The following SLC38A6 variants were observed in gnomAD, a reference collection of about 807,000 sequenced individuals.
SLC38A6 encodes the protein solute carrier family 38 member 6.
A neutral mutation model predicts 65.0 loss-of-function variants in SLC38A6; 73 were observed. The ratio of observed to expected loss-of-function variants is 1.12; its 90% confidence interval spans 0.93 to 1.37. The LOEUF is 1.37. SLC38A6 is among the 40% of genes most tolerant of loss of function. SLC38A6 has a pLI of 0.00. For synonymous variants in SLC38A6, 183 were observed against 178.8 expected (o/e 1.02, Z -0.19); for missense variants, 561 against 531.1 (o/e 1.06, Z -0.55).
At chr14:60,994,478 G>C (rs2038129537) in intron 3 of SLC38A6, among the ~76,000 whole-genome samples, 1 of 152,136 alleles carries the variant, frequency 6.6e-6, no homozygotes, top group African/African-American at 2.4e-5. Flanking sequence ...CCGGGAGTTG[G>C]AGGTTGCGGT....
intron 3 of SLC38A6, among the ~76,000 whole-genome samples, chr14:60,990,134 G>A (rs1364711910): frequency 3.4e-4 from 51 of 151,830 alleles, no homozygotes; most frequent in South Asian, 2.1e-4. Context: ...GGGTTCAAGC[G>A]ATTCTCCTGC....
At chr14:61,063,587 T>C (rs1443554894) in intron 15 of SLC38A6, among the ~76,000 whole-genome samples, 3 of 152,204 alleles carry the variant, frequency 2.0e-5, no homozygotes, top group Admixed American at 6.5e-5. Flanking sequence ...AAGTAGAGAA[T>C]TGCATGCAAA....
chr14:60,981,444 A>C, intron 1 of SLC38A6, 62 bp downstream of exon 1: 1 of 1,548,262 alleles, frequency 6.5e-7, no homozygotes, highest in South Asian at 1.2e-5. Flanking sequence ...AGTGCCTGCC[A>C]AATAAGACCC....
intron 8 of SLC38A6, among the ~76,000 whole-genome samples, chr14:61,040,581 C>T (rs570285765): frequency 3.1e-4 from 47 of 152,190 alleles, no homozygotes; most frequent in South Asian, 2.1e-4. Flanking sequence ...CCTCATGATC[C>T]GCCCGCCTGG....
chr14:61,055,118 C>T (rs10129272), downstream of SLC38A6, among the ~76,000 whole-genome samples: 87,906 of 98,090 alleles, frequency 0.9, 39,672 homozygotes, highest in Non-Finnish European at 0.98. Context: ...TTTTTTTTTT[C>T]TTTTTTTTTT....
intron 5 of SLC38A6, among the ~76,000 whole-genome samples, chr14:61,021,617 G>A (rs921406301): frequency 6.6e-6 from 1 of 152,130 alleles, no homozygotes; most frequent in African/African-American, 2.4e-5. Flanking sequence ...TCTTAATTTT[G>A]TTGGTTTGCT....
Position 61,045,407 on chromosome 14 carries a change from T to C in SLC38A6, c.806T>C (p.Ile269Thr), listed in dbSNP as rs1566701619. Residue 269 changes from isoleucine to threonine, a missense_variant, in exon 11 of 16, where the codon ATA (isoleucine) becomes ACA (threonine). Transcript: ENST00000267488. ...CTCTGCCATACCTCAATATTGCCCA[T>C]ATACTGTGAACTTCAAAGGTACTGT... is the stretch of plus-strand genomic sequence containing the variant. Reference protein sequence around the residue: ...SFLCHTSILPIYCELQSPSKK... With the variant: ...SFLCHTSILPTYCELQSPSKK... 6.2e-7 allele frequency: 1 copy of C among 1,612,590 alleles called. No individual in the cohort carries two copies. The highest frequency in any genetic ancestry group is 8.5e-7 in the Non-Finnish European group (1 of 1,178,812).
At chr14:61,037,815 T>A (rs2041508445) in intron 8 of SLC38A6, 132 bp downstream of exon 8, 2 of 564,202 alleles carry the variant, frequency 3.5e-6, no homozygotes, top group Non-Finnish European at 6.1e-6. Context: ...TTAAAAGCAC[T>A]TTTGTTCCAT....
intron 16 of SLC38A6, among the ~76,000 whole-genome samples, chr14:61,082,145 T>A (rs1260795445): frequency 6.6e-6 from 1 of 152,128 alleles, no homozygotes; most frequent in African/African-American, 2.4e-5. Flanking sequence ...AATGGATGGA[T>A]GAATATTAGC....
chr14:61,079,490 C>G (rs1247807865), intron 16 of SLC38A6, among the ~76,000 whole-genome samples: 1 of 152,058 alleles, frequency 6.6e-6, no homozygotes, highest in Non-Finnish European at 1.5e-5. Flanking sequence ...TCTTTCCCCT[C>G]CAAAGCGTTT....
Position 61,072,015 on chromosome 14 carries a change from C to T in SLC38A6, c.1291-6795C>T, listed in dbSNP as rs1024830502. Among the ~76,000 whole-genome samples, 8 of 152,004 alleles carry T rather than the reference C, an allele frequency of 5.3e-5. No individual in the cohort carries two copies. The East Asian group carries it at 5.8e-4, about 11-fold the overall frequency. ...TGTGATTGTGTGTGATATTCTTAGG[C>T]GAGATGCTTAGTCTATTTTGTGTTG... On this transcript the variant is annotated intron_variant, in intron 15 of 16. Coordinates refer to the SLC38A6 transcript ENST00000354886.
intron 1 of SLC38A6, chr14:60,982,077 A>G (rs1372149441): frequency 1.3e-5 from 6 of 447,364 alleles, no homozygotes; most frequent in East Asian, 7.0e-5. Flanking sequence ...CATTAGATAT[A>G]TAAGTAGAGA....
At chr14:61,004,064 G>C (rs1770146424) in intron 3 of SLC38A6, among the ~76,000 whole-genome samples, 1 of 152,126 alleles carries the variant, frequency 6.6e-6, no homozygotes, top group Non-Finnish European at 1.5e-5. Context: ...ATTTCAAACT[G>C]TCTTCATTAA....
At chr14:60,990,028 CCTT>C (rs2037741868) in intron 3 of SLC38A6, among the ~76,000 whole-genome samples, 1 of 147,788 alleles carries the variant, frequency 6.8e-6, no homozygotes, top group South Asian at 2.2e-4. Context: ...TTTTCTTTTC[CCTT>C]CTTTTCTTTT....
chr14:61,010,309 T>G (rs111567515), intron 3 of SLC38A6, among the ~76,000 whole-genome samples: 2 of 152,172 alleles, frequency 1.3e-5, no homozygotes, highest in Non-Finnish European at 2.9e-5. Flanking sequence ...TTGCAAAAAT[T>G]TTCTCCCATT....
intron 3 of SLC38A6, among the ~76,000 whole-genome samples, chr14:61,008,992 A>G (rs918851714): frequency 6.6e-6 from 1 of 152,198 alleles, no homozygotes; most frequent in Non-Finnish European, 1.5e-5. Flanking sequence ...CAGCATGGGT[A>G]GTTGTTAGAC....
At chr14:60,995,169 T>C (rs1007429289) in intron 3 of SLC38A6, among the ~76,000 whole-genome samples, 5 of 152,236 alleles carry the variant, frequency 3.3e-5, no homozygotes, top group Non-Finnish European at 7.3e-5. Flanking sequence ...TGTAGAGATA[T>C]CTATGCTCCC....
At position 60,981,314 on chromosome 14, in the gene SLC38A6, G is replaced by T. The variant is rs1435703837; in HGVS notation, c.37G>T (p.Gly13Cys). ...ASWGSFNAER[G>C]WYVSVQQPEE... ...CTGGGGGAGCTTCAACGCTGAGCGG[G>T]GCTGGTATGTCTCTGTCCAGCAGCC... The change falls in exon 1 of 16, where the codon GGC becomes TGC. Residue 13 changes from glycine to cysteine, a missense_variant. Gly to Cys is a radical substitution (Grantham distance 159, BLOSUM62 -3). Transcript: ENST00000267488. 3.1e-6 allele frequency: 5 copies of T among 1,610,642 alleles called. No homozygotes were observed. The highest frequency in any genetic ancestry group is 4.2e-6 in the Non-Finnish European group (5 of 1,178,682).
At chr14:60,996,879 A>G (rs143549941) in intron 3 of SLC38A6, among the ~76,000 whole-genome samples, 3 of 152,342 alleles carry the variant, frequency 2.0e-5, no homozygotes, top group Admixed American at 2.0e-4. Context: ...TTAATATAGA[A>G]TTCTATAACT....
Sources: allele counts gnomAD v4.1 joint callset (sites outside exome capture counted in the v4.1 genomes callset), GRCh38; gene constraint gnomAD v4.1.1; transcripts MANE v1.5; gene names NCBI Gene and HGNC (gene_info 2026-07-23, HGNC 2026-07-21).